The following PCDHA4 variants were observed in gnomAD, a reference collection of about 807,000 sequenced individuals.
The protein encoded by PCDHA4 is protocadherin alpha-4.
Under a neutral mutation model 61.4 loss-of-function variants are expected in PCDHA4, and 49 were observed. The ratio of observed to expected loss-of-function variants is 0.80; its 90% CI spans 0.63 to 1.01. The LOEUF is 1.01. Ranked by LOEUF, PCDHA4 falls within the 50% of genes least tolerant of loss-of-function variation. The pLI, the probability that PCDHA4 is intolerant of heterozygous loss-of-function variation, is 0.00. For missense variants in PCDHA4, 1,254 were observed against 1,235.8 expected (o/e 1.01, Z -0.22); for synonymous variants, 590 against 550.3 (o/e 1.07, Z -1.01).
At chr5:140,869,582 C>T (rs936485472) in intron 1 of PCDHA4, 7 of 1,614,088 alleles carry the variant, frequency 4.3e-6, no homozygotes, top group Middle Eastern at 1.6e-4. Context: ...GCTTCTGATG[C>T]TGACATTGAA....
At chr5:140,828,029 C>T (rs1237418954) in intron 1 of PCDHA4, 16 of 1,519,884 alleles carry the variant, frequency 1.1e-5, no homozygotes, top group Non-Finnish European at 1.4e-5. Context: ...AATTCCGGAA[C>T]ATACAGTATT....
At chr5:141,006,222 T>C (rs1463720721) in intron 3 of PCDHA4, among the ~76,000 whole-genome samples, 1 of 152,098 alleles carries the variant, frequency 6.6e-6, no homozygotes, top group Non-Finnish European at 1.5e-5. Flanking sequence ...TTTTAAATTT[T>C]TTATTTTTAG....
intron 1 of PCDHA4, chr5:140,858,307 G>T: frequency 6.3e-7 from 1 of 1,597,292 alleles, no homozygotes; most frequent in Non-Finnish European, 8.6e-7. Flanking sequence ...AGCAGAGGCG[G>T]CAGAGGGTGT....
intron 1 of PCDHA4, chr5:140,928,429 T>A: frequency 6.2e-7 from 1 of 1,614,146 alleles, no homozygotes; most frequent in Non-Finnish European, 8.5e-7. Flanking sequence ...CAAAACTTCC[T>A]TTGACTTTGA....
chr5:140,882,942 C>T (rs2059373370), intron 1 of PCDHA4: 1 of 1,614,224 alleles, frequency 6.2e-7, no homozygotes. Flanking sequence ...CTGACTGGCA[C>T]AGTTCAGCTG....
intron 1 of PCDHA4, chr5:140,967,164 C>G (rs762120187): frequency 8.7e-6 from 14 of 1,611,226 alleles, no homozygotes; most frequent in Non-Finnish European, 1.2e-5. Flanking sequence ...GCGGTGAGCG[C>G]CGTTGAGGTG....
intron 2 of PCDHA4, among the ~76,000 whole-genome samples, chr5:140,981,838 C>T (rs916108739): frequency 3.9e-5 from 6 of 152,086 alleles, no homozygotes; most frequent in Admixed American, 6.6e-5. Context: ...AAAGGTCTCC[C>T]AGTTTGTATC....
intron 1 of PCDHA4, among the ~76,000 whole-genome samples, chr5:140,945,407 T>G (rs554073823): frequency 6.6e-6 from 1 of 152,128 alleles, no homozygotes; most frequent in Non-Finnish European, 1.5e-5. Context: ...ATACAATTCG[T>G]ATCAAAATTT....
rs116228766 is a variant in PCDHA4 at position 140,907,042 on chromosome 5, C to A, written c.2386-71907C>A. Among the ~76,000 whole-genome samples, 705 of 152,284 alleles carry A rather than the reference C, an allele frequency of 4.6e-3. 3 individuals carry two copies. The highest frequency in any genetic ancestry group is 0.016 in the African/African-American group (683 of 41,556). On this transcript the variant is annotated intron_variant, in intron 1 of 3. Coordinates refer to ENST00000530339, the MANE Select transcript of PCDHA4 (RefSeq NM_018907.4). The stretch of plus-strand genomic sequence containing the variant: ...CCAGCAGAACATAATGTCACAGGGA[C>A]AGTAAGCAAAAATTTTACTAGTGGG...
Position 140,917,327 on chromosome 5 carries a change from G to A in PCDHA4, c.2386-61622G>A, listed in dbSNP as rs1219338384. ...TTACAATTTGGTGTTCATGTGGCGG[G>A]GGAGGGGGGGGATGGTGTAGGCTTC... On this transcript the variant is annotated intron_variant, in intron 1 of 3. Coordinates refer to ENST00000530339, the MANE Select transcript of PCDHA4 (RefSeq NM_018907.4). Among the ~76,000 whole-genome samples, 73 of 149,528 alleles carry A rather than the reference G, an allele frequency of 4.9e-4. 3 individuals carry two copies. Among genetic ancestry groups the A allele is most frequent in the African/African-American group, 1.3e-3 (54 of 40,384 alleles).
chr5:140,863,384 C>A (rs563178599), intron 1 of PCDHA4: 2 of 1,044,912 alleles, frequency 1.9e-6, no homozygotes, highest in South Asian at 1.2e-5. Flanking sequence ...ACCGAGAGCT[C>A]GTGCATGCCG....
chr5:140,858,097 G>A (rs2045175006), intron 1 of PCDHA4: 1 of 1,597,732 alleles, frequency 6.3e-7, no homozygotes, highest in Non-Finnish European at 8.6e-7. Context: ...GGGCTTCAGT[G>A]GGCGTGGCGC....
intron 1 of PCDHA4, chr5:140,829,933 G>A (rs1554132408): frequency 3.7e-6 from 6 of 1,613,652 alleles, no homozygotes; most frequent in East Asian, 2.2e-5. Context: ...TGCAGCCCCC[G>A]GCAAGCAGCG....
chr5:140,843,269 C>T, intron 1 of PCDHA4: 1 of 1,596,112 alleles, frequency 6.3e-7, no homozygotes, highest in Non-Finnish European at 8.6e-7. Flanking sequence ...TCTGCTGGTC[C>T]TGGTGAAGGA....
Position 140,808,851 on chromosome 5 carries a change from T to C in PCDHA4, c.1664T>C (p.Val555Ala), listed in dbSNP as rs781838352. 1.5e-5 allele frequency: 25 copies of C among 1,613,028 alleles called. No homozygotes were observed. Among genetic ancestry groups the C allele is most frequent in the Non-Finnish European group, 2.0e-5 (24 of 1,179,902 alleles). ...LGSNVTLQVF[V>A]LDENDNAPAL... ...AGCAACGTGACGCTGCAGGTGTTCG[T>C]GCTGGACGAAAACGACAACGCGCCA... The change falls in exon 1 of 4, where the codon GTG (valine) becomes GCG (alanine). Residue 555 changes from valine (V) to alanine (A), a missense_variant. Transcript: ENST00000530339.
intron 1 of PCDHA4, among the ~76,000 whole-genome samples, chr5:140,957,103 A>G (rs1207553042): frequency 6.6e-6 from 1 of 152,168 alleles, no homozygotes; most frequent in Non-Finnish European, 1.5e-5. Flanking sequence ...ATTGCTATGG[A>G]CATGATTCTG....
rs1587841717 is a variant in PCDHA4, at chr5:140,999,568, GA to G, written c.2534-10058del. On this transcript the variant is annotated intron_variant, in intron 3 of 3. Transcript: ENST00000530339. ...ATGAAGAGGGGGTATTTTGAGAAGA[GA>G]CTATAAAGGGAAATTGCCTTCCCTA... Among the ~76,000 whole-genome samples the G allele has an allele frequency of 2.0e-5, 3 of 152,084 alleles. No homozygotes were observed. In the South Asian group the frequency reaches 6.2e-4, roughly 32 times the overall value.
chr5:140,965,173 G>A (rs1257436786), intron 1 of PCDHA4, among the ~76,000 whole-genome samples: 1 of 152,218 alleles, frequency 6.6e-6, no homozygotes, highest in African/African-American at 2.4e-5. Flanking sequence ...TTTAGTGAGT[G>A]CTTTTTTTGC....
chr5:140,809,454 C>G lies in PCDHA4; in HGVS notation c.2267C>G (p.Pro756Arg). The G allele has an allele frequency of 1.9e-6, 3 of 1,614,194 alleles. No homozygotes were observed. The highest frequency in any genetic ancestry group is 2.7e-5 in the African/African-American group (2 of 75,048). The change falls in exon 1 of 4, where the codon CCG becomes CGG. Residue 756 changes from proline (P) to arginine (R), a missense_variant. Physicochemically the swap from Pro to Arg is moderately radical, Grantham distance 103 (BLOSUM62 -2). Transcript: ENST00000530339. The stretch of plus-strand genomic sequence containing the variant: ...TGGTCATACTCGCAGCAGAGGAGGC[C>G]GAGGGTGTGCTCTGGTGAGGGCCCA... ...GSWSYSQQRR[P>R]RVCSGEGPPK...
Sources: gnomAD v4.1 joint callset for allele counts (sites outside exome capture counted in the v4.1 genomes callset) on GRCh38, gnomAD v4.1.1 for gene constraint, MANE v1.5 for transcripts, NCBI Gene and HGNC (gene_info 2026-07-23, HGNC 2026-07-21) for gene names.